The following CNNM1 variants were observed in gnomAD, a reference collection of about 807,000 sequenced individuals.
The protein encoded by CNNM1 is cyclin and CBS domain divalent metal cation transport mediator 1, also known as metal transporter CNNM1.
Under a neutral mutation model 78.8 loss-of-function variants are expected in CNNM1, and 44 were observed. The ratio of observed to expected loss-of-function variants is 0.56; its 90% CI spans 0.44 to 0.72. The LOEUF is 0.72. Ranked by LOEUF, CNNM1 falls within the 30% of genes least tolerant of loss-of-function variation. The pLI is 0.00. For synonymous variants in CNNM1, 584 were observed against 581.5 expected (o/e 1.00, Z -0.06); for missense variants, 1,101 against 1,292.2 (o/e 0.85, Z 2.27).
In CNNM1 at chr10:99,340,602, T is replaced by C. The variant is rs897509603; in HGVS notation, c.1573+9642T>C. 2.6e-5 allele frequency among the ~76,000 whole-genome samples: 4 copies of C among 152,256 alleles called. No individual in the cohort carries two copies. The East Asian group carries it at 7.7e-4, about 29-fold the overall frequency. ...AAAACGAGTTCCTTCTAGGCCCATGTTTGGGGATTCTGGGACCTTCAATAA... is the reference window on the plus strand; with the variant it reads ...AAAACGAGTTCCTTCTAGGCCCATGCTTGGGGATTCTGGGACCTTCAATAA... On this transcript the variant is annotated intron_variant, in intron 1 of 10. Transcript: ENST00000356713.
In CNNM1 at chr10:99,329,567, C is replaced by A; in HGVS notation, c.180C>A (p.Gly60=). ...TAGGRVSLEG[G]TLRAAEGTSF... ...GAGGCCGCGTGTCCCTGGAGGGGGG[C>A]ACCCTGCGCGCCGCCGAAGGCACCA... is the stretch of plus-strand genomic sequence containing the variant. Residue 60 remains glycine (G), a synonymous_variant, in exon 1 of 11, where the codon GGC becomes GGA. Transcript: ENST00000356713. The A allele has an allele frequency of 6.6e-7, 1 of 1,525,788 alleles. No homozygotes were observed. Among genetic ancestry groups the A allele is most frequent in the Non-Finnish European group, 8.7e-7 (1 of 1,148,212 alleles). The allele number at this position is 1,525,788 out of a possible 1,614,324, so 94.5% of individuals were successfully genotyped here. A position where few individuals can be genotyped will look rare whatever the true frequency, so the allele number is the denominator to read the frequency against.
chr10:99,375,367 C>T (rs950643865), intron 6 of CNNM1, among the ~76,000 whole-genome samples: 5 of 152,076 alleles, frequency 3.3e-5, no homozygotes, highest in Non-Finnish European at 5.9e-5. Flanking sequence ...GAGATAGGAC[C>T]GATGGGCTCA....
rs144227322 is a variant in CNNM1 at position 99,356,600 on chromosome 10, G to GAAAAGAAAAGAAAAGAAAGAAAGAAAGA, written c.1574-909_1574-908insAGAAAAGAAAAGAAAGAAAGAAAGAAAA. On this transcript the variant is annotated intron_variant, in intron 1 of 10. Coordinates refer to ENST00000356713, the MANE Select transcript of CNNM1 (RefSeq NM_020348.3). ...AGAAAGAAAGAAAGAAAGAAAGAAAGAAAGAAAAGAAAGAAAGAAAGAAAA... is the reference window on the plus strand; with the variant it reads ...AGAAAGAAAGAAAGAAAGAAAGAAAGAAAAGAAAAGAAAAGAAAGAAAGAAAGAAAAGAAAAGAAAGAAAGAAAGAAAA... Among the ~76,000 whole-genome samples the GAAAAGAAAAGAAAAGAAAGAAAGAAAGA allele has an allele frequency of 2.3e-5, 3 of 129,454 alleles. No individual in the cohort carries two copies. In the East Asian group the frequency reaches 6.6e-4, roughly 28 times the overall value. 84.9% of individuals were successfully genotyped at this position (129,454 alleles called of 152,430 possible).
At chr10:99,360,792 G>A (rs761306262) in intron 2 of CNNM1, 43 bp from the exon 3 acceptor site, 10 of 1,541,904 alleles carry the variant, frequency 6.5e-6, no homozygotes, top group Middle Eastern at 3.5e-4. Context: ...AAAGATCAAC[G>A]TGATTCTGAG....
intron 6 of CNNM1, among the ~76,000 whole-genome samples, chr10:99,373,382 A>T (rs2031864076): frequency 6.6e-6 from 1 of 152,184 alleles, no homozygotes; most frequent in South Asian, 2.1e-4. Context: ...AAAACCCACC[A>T]GATCAAGGTA....
At chr10:99,351,311 T>C (rs1410872613) in intron 1 of CNNM1, among the ~76,000 whole-genome samples, 1 of 152,206 alleles carries the variant, frequency 6.6e-6, no homozygotes, top group Non-Finnish European at 1.5e-5. Flanking sequence ...AGAGACCCTT[T>C]CCCAAACCCA....
At chr10:99,342,723 C>G (rs999556390) in intron 1 of CNNM1, among the ~76,000 whole-genome samples, 9 of 151,928 alleles carry the variant, frequency 5.9e-5, no homozygotes, top group African/African-American at 2.2e-4. Context: ...GTAGCTGTTT[C>G]TCATCTCATT....
At chr10:99,331,777 G>T (rs1434210371) in intron 1 of CNNM1, among the ~76,000 whole-genome samples, 1 of 152,174 alleles carries the variant, frequency 6.6e-6, no homozygotes, top group East Asian at 1.9e-4. Flanking sequence ...AAGGCAGTAG[G>T]ATCCTTGTAA....
At chr10:99,360,210 A>C (rs965420632) in intron 2 of CNNM1, among the ~76,000 whole-genome samples, 4 of 152,124 alleles carry the variant, frequency 2.6e-5, no homozygotes, top group Non-Finnish European at 4.4e-5. Context: ...TGAAGCAGGG[A>C]AATTGTGAAA....
chr10:99,353,762 A>G (rs1027776055), intron 1 of CNNM1, among the ~76,000 whole-genome samples: 5 of 152,360 alleles, frequency 3.3e-5, no homozygotes, highest in Middle Eastern at 6.8e-3. Context: ...GCAGATCTCA[A>G]CAGGCTTTGG....
chr10:99,347,873 T>C (rs964697087), intron 1 of CNNM1, among the ~76,000 whole-genome samples: 1 of 151,430 alleles, frequency 6.6e-6, no homozygotes, highest in African/African-American at 2.4e-5. Flanking sequence ...CAGGGCTTTA[T>C]TGAAACATCA....
chr10:99,334,377 G>T (rs547363480), intron 1 of CNNM1, among the ~76,000 whole-genome samples: 1 of 152,318 alleles, frequency 6.6e-6, no homozygotes, highest in East Asian at 1.9e-4. Flanking sequence ...TTTTGGCTGG[G>T]CGCAGTGGCT....
At chr10:99,356,007 G>A (rs2031129599) in intron 1 of CNNM1, among the ~76,000 whole-genome samples, 1 of 152,084 alleles carries the variant, frequency 6.6e-6, no homozygotes, top group South Asian at 2.1e-4. Flanking sequence ...AACTACCATT[G>A]CTGCTAACAA....
intron 1 of CNNM1, among the ~76,000 whole-genome samples, chr10:99,344,838 G>T (rs2030616587): frequency 6.6e-6 from 1 of 152,206 alleles, no homozygotes; most frequent in Non-Finnish European, 1.5e-5. Context: ...CAAGGAGGTG[G>T]AATTGTGACT....
At chr10:99,345,358 A>C (rs2030647267) in intron 1 of CNNM1, among the ~76,000 whole-genome samples, 1 of 152,112 alleles carries the variant, frequency 6.6e-6, no homozygotes, top group South Asian at 2.1e-4. Flanking sequence ...AAACCTTCAA[A>C]AGCGTGGATT....
Position 99,329,912 on chromosome 10 carries a change from C to A in CNNM1, c.525C>A (p.Gly175=). The change falls in exon 1 of 11, where the codon GGC becomes GGA. Residue 175 remains glycine, a synonymous_variant. Transcript: ENST00000356713. The part of the protein sequence containing the change: ...RELRKGEAER[G]GAGGGGKLFS... ...TGCGCAAGGGCGAAGCGGAGCGGGG[C>A]GGCGCGGGCGGTGGCGGGAAGCTCT... 1.0e-5 allele frequency: 14 copies of A among 1,384,284 alleles called. No individual in the cohort carries two copies. The highest frequency in any genetic ancestry group is 1.3e-5 in the Non-Finnish European group (14 of 1,076,934). 85.8% of individuals were successfully genotyped at this position (1,384,284 alleles called of 1,614,324 possible).
rs547342979 is a variant in CNNM1, at chr10:99,349,860, G to A, written c.1574-7652G>A. 1.9e-4 allele frequency among the ~76,000 whole-genome samples: 29 copies of A among 152,242 alleles called. 1 individual carries two copies. The highest frequency in any genetic ancestry group is 3.4e-3 in the Middle Eastern group (1 of 292). On this transcript the variant is annotated intron_variant, in intron 1 of 10. Coordinates refer to ENST00000356713, the MANE Select transcript of CNNM1 (RefSeq NM_020348.3). ...CTAAATATACAAAAATTAGCTGGGC[G>A]TGGTGGCGTGTGCCTGTAGTCCCAG... is the stretch of plus-strand genomic sequence containing the variant.
intron 7 of CNNM1, among the ~76,000 whole-genome samples, chr10:99,379,097 A>G (rs1322599128): frequency 6.6e-6 from 1 of 152,238 alleles, no homozygotes; most frequent in East Asian, 1.9e-4. Flanking sequence ...GAACTCTAAT[A>G]TGTTAAGTCT....
intron 1 of CNNM1, among the ~76,000 whole-genome samples, chr10:99,344,863 A>G (rs1384705461): frequency 6.6e-6 from 1 of 152,232 alleles, no homozygotes; most frequent in Non-Finnish European, 1.5e-5. Context: ...TCCCCTTCCC[A>G]GTTCAAAGCC....
Sources: allele counts gnomAD v4.1 joint callset (sites outside exome capture counted in the v4.1 genomes callset), GRCh38; gene constraint gnomAD v4.1.1; transcripts MANE v1.5; gene names NCBI Gene and HGNC (gene_info 2026-07-23, HGNC 2026-07-21).